Variants in VDAC1 observed in about 807,000 individuals in gnomAD.
VDAC1 encodes the protein voltage dependent anion channel 1, also known as non-selective voltage-gated ion channel VDAC1.
In VDAC1, 10 loss-of-function variants were observed where a neutral mutation model predicts 34.7. The ratio of observed to expected loss-of-function variants is 0.29; its 90% CI spans 0.18 to 0.49. The LOEUF (loss-of-function observed/expected upper bound fraction) is 0.49, where lower values mean the gene tolerates loss of function less well. Among genes scored for constraint, VDAC1 ranks in the 20% least tolerant of loss-of-function variants. VDAC1 has a pLI of 0.99. For synonymous variants in VDAC1, 130 were observed against 136.0 expected (o/e 0.96, Z 0.30); for missense variants, 230 against 347.9 (o/e 0.66, Z 2.69).
the VDAC1 span, among the ~76,000 whole-genome samples, chr5:134,031,234 C>T: frequency 6.6e-6 from 1 of 152,056 alleles, no homozygotes; most frequent in Non-Finnish European, 1.5e-5. Flanking sequence ...GGTTTTATCC[C>T]TACCTTTCAT....
the VDAC1 span, among the ~76,000 whole-genome samples, chr5:134,111,896 G>A: frequency 6.6e-6 from 1 of 152,188 alleles, no homozygotes; most frequent in East Asian, 1.9e-4. Context: ...ATCTCTCTGA[G>A]CTTCAGTTTC....
chr5:134,089,445 A>G, the VDAC1 span, among the ~76,000 whole-genome samples: 4 of 152,226 alleles, frequency 2.6e-5, no homozygotes, highest in East Asian at 7.7e-4. Flanking sequence ...GAAGGAGCCT[A>G]TAACCCATAT....
At chr5:134,036,728 C>T in the VDAC1 span, among the ~76,000 whole-genome samples, 5 of 150,850 alleles carry the variant, frequency 3.3e-5, no homozygotes, top group Non-Finnish European at 7.4e-5. Context: ...CTGAGGCAGG[C>T]GGATCACGAG....
the VDAC1 span, among the ~76,000 whole-genome samples, chr5:134,040,396 G>A: frequency 6.6e-6 from 1 of 152,238 alleles, no homozygotes; most frequent in Non-Finnish European, 1.5e-5. Flanking sequence ...CCAACATAGT[G>A]AAATCCCATC....
the VDAC1 span, among the ~76,000 whole-genome samples, chr5:134,022,159 G>T: frequency 1.3e-5 from 2 of 152,170 alleles, no homozygotes; most frequent in Admixed American, 1.3e-4. Flanking sequence ...GATTACAGGC[G>T]TGAGCCACTG....
At chr5:134,067,317 T>C in the VDAC1 span, among the ~76,000 whole-genome samples, 1 of 150,724 alleles carries the variant, frequency 6.6e-6, no homozygotes, top group Non-Finnish European at 1.5e-5. Flanking sequence ...TCAGGTGACA[T>C]GCCCACCTCG....
the VDAC1 span, among the ~76,000 whole-genome samples, chr5:134,104,401 A>G: frequency 9.9e-5 from 15 of 152,184 alleles, no homozygotes; most frequent in African/African-American, 3.6e-4. Flanking sequence ...GAGTGGCTGG[A>G]TCACTGCACA....
the VDAC1 span, among the ~76,000 whole-genome samples, chr5:134,101,565 A>G: frequency 6.6e-6 from 1 of 152,122 alleles, no homozygotes; most frequent in African/African-American, 2.4e-5. Context: ...TCTCAAAAAA[A>G]AAAAAAAGAG....
At chr5:134,105,165 C>T in the VDAC1 span, among the ~76,000 whole-genome samples, 1 of 152,218 alleles carries the variant, frequency 6.6e-6, no homozygotes, top group African/African-American at 2.4e-5. Context: ...CCACCAGAAG[C>T]TCTGCAGCCC....
chr5:134,055,586 A>ATGTTTTTGTTTTTTTTTTGTTTT, the VDAC1 span, among the ~76,000 whole-genome samples: 5 of 60,076 alleles, frequency 8.3e-5, no homozygotes, highest in African/African-American at 5.4e-4. Context: ...CGCCCCGCTA[A>ATGTTTTTGTTTTTTTTTTGTTTT]TGTTTTTTTT....
At chr5:133,980,688 A>AGGGGC in intron 6 of VDAC1, 41 bp downstream of exon 6, 1 of 612,646 alleles carries the variant, frequency 1.6e-6, no homozygotes. Context: ...CACATGCTCC[A>AGGGGC]ACCCCACCCC....
chr5:134,093,842 A>G, the VDAC1 span, among the ~76,000 whole-genome samples: 1 of 152,182 alleles, frequency 6.6e-6, no homozygotes, highest in Non-Finnish European at 1.5e-5. Flanking sequence ...CAGGTTGCTG[A>G]GCTGATACTC....
At chr5:134,007,524 C>A (rs1272348032), upstream of VDAC1, among the ~76,000 whole-genome samples, 3 of 152,102 alleles carry the variant, frequency 2.0e-5, no homozygotes, top group Admixed American at 1.3e-4. Context: ...CCACCACAAC[C>A]CTGAGGGAGA....
At chr5:133,987,097 A>C (rs1057468947) in intron 5 of VDAC1, among the ~76,000 whole-genome samples, 1 of 152,228 alleles carries the variant, frequency 6.6e-6, no homozygotes, top group Non-Finnish European at 1.5e-5. Flanking sequence ...GGTGGCTCAC[A>C]CCTGTAATCC....
At chr5:134,091,223 A>T in the VDAC1 span, among the ~76,000 whole-genome samples, 1 of 152,234 alleles carries the variant, frequency 6.6e-6, no homozygotes, top group Non-Finnish European at 1.5e-5. Context: ...TGAACTTTTC[A>T]TGAAGATCAA....
the VDAC1 span, among the ~76,000 whole-genome samples, chr5:134,052,942 C>A: frequency 6.6e-6 from 1 of 152,046 alleles, no homozygotes; most frequent in Non-Finnish European, 1.5e-5. Flanking sequence ...ATGGTGAAAC[C>A]CTGTCTCTAC....
chr5:134,095,073 TA>T, the VDAC1 span, among the ~76,000 whole-genome samples: 133,842 of 152,234 alleles, frequency 0.88, 59,030 homozygotes, highest in Non-Finnish European at 0.91. Context: ...ACGTGCCATG[TA>T]AAAAAAGGTG....
chr5:134,067,901 T>C, the VDAC1 span, among the ~76,000 whole-genome samples: 1 of 152,134 alleles, frequency 6.6e-6, no homozygotes, highest in Non-Finnish European at 1.5e-5. Flanking sequence ...GCGGATCACT[T>C]GAGGTCAGGA....
upstream of VDAC1, among the ~76,000 whole-genome samples, chr5:134,008,634 A>G (rs1342763013): frequency 1.3e-5 from 2 of 152,156 alleles, no homozygotes; most frequent in Admixed American, 1.3e-4. Context: ...ATAGGATGAA[A>G]CACTCCCAAC....
Sources: allele counts gnomAD v4.1 joint callset (sites outside exome capture counted in the v4.1 genomes callset), GRCh38; gene constraint gnomAD v4.1.1; transcripts MANE v1.5; gene names NCBI Gene and HGNC (gene_info 2026-07-23, HGNC 2026-07-21).